Variants in RBFOX1 observed in about 807,000 individuals in gnomAD.
RBFOX1 encodes RNA binding protein fox-1 homolog 1.
RBFOX1 carries 8 observed loss-of-function variants against 57.7 expected under a neutral mutation model. That is an observed-to-expected ratio of 0.14 (90% CI 0.08 to 0.25). RBFOX1 has a LOEUF of 0.25. Among genes scored for constraint, RBFOX1 ranks in the 10% least tolerant of loss-of-function variants. The pLI, the probability that RBFOX1 is intolerant of heterozygous loss-of-function variation, is 1.00. For synonymous variants in RBFOX1, 326 were observed against 222.4 expected, an observed-to-expected ratio of 1.47 and a Z score of -4.15; for missense variants, 611 against 548.5, an observed-to-expected ratio of 1.11 and a Z score of -1.14.
chr16:6,405,304 A>C (rs1839356179), intron 2 of RBFOX1, among the ~76,000 whole-genome samples: 1 of 152,182 alleles, frequency 6.6e-6, no homozygotes, highest in African/African-American at 2.4e-5. Context: ...TCAATTAGTC[A>C]TGACAAGTTA....
Position 7,039,304 on chromosome 16 carries a change from C to A in RBFOX1, c.-15-12753C>A, listed in dbSNP as rs192756435. Reference sequence around the variant, plus strand: ...TTGACAAGCTCTTTCGTCCGTCTCCCTTGACCCTCCAAAGCTGGCATCCTT... The same window carrying A: ...TTGACAAGCTCTTTCGTCCGTCTCCATTGACCCTCCAAAGCTGGCATCCTT... On this transcript the variant is annotated intron_variant, in intron 3 of 15. Coordinates refer to ENST00000550418, the MANE Select transcript of RBFOX1 (RefSeq NM_018723.4). 5.7e-3 allele frequency among the ~76,000 whole-genome samples: 872 copies of A among 152,300 alleles called. 11 individuals carry two copies. Among genetic ancestry groups the A allele is most frequent in the Middle Eastern group, 0.01 (3 of 294 alleles).
chr16:7,478,800 A>G (rs1485455352), intron 4 of RBFOX1, among the ~76,000 whole-genome samples: 1 of 152,182 alleles, frequency 6.6e-6, no homozygotes, highest in Non-Finnish European at 1.5e-5. Context: ...AAATGGATCT[A>G]GTCTAGATGC....
At chr16:6,734,439 A>G (rs1365936676) in intron 3 of RBFOX1, among the ~76,000 whole-genome samples, 1 of 152,176 alleles carries the variant, frequency 6.6e-6, no homozygotes, top group Non-Finnish European at 1.5e-5. Context: ...GGATTATCTC[A>G]TTTAATCCTC....
chr16:6,675,490 G>A (rs547531961), intron 3 of RBFOX1, among the ~76,000 whole-genome samples: 1 of 152,256 alleles, frequency 6.6e-6, no homozygotes, highest in South Asian at 2.1e-4. Flanking sequence ...CCTGGGCTTG[G>A]TCAGGCTTGC....
chr16:7,180,743 T>C (rs2082539601), intron 4 of RBFOX1, among the ~76,000 whole-genome samples: 1 of 150,876 alleles, frequency 6.6e-6, no homozygotes, highest in Non-Finnish European at 1.5e-5. Flanking sequence ...GCCAGAACAT[T>C]GGCTTCAAGG....
At position 6,922,503 on chromosome 16, in the gene RBFOX1, G is replaced by A. The variant is rs190727682; in HGVS notation, c.-15-129554G>A. ...TCTTTTAGCTCATTTTCTTTGCTGTGTTTTTCCACATTTAAAATCTTTTAT... is the reference window on the plus strand; with the variant it reads ...TCTTTTAGCTCATTTTCTTTGCTGTATTTTTCCACATTTAAAATCTTTTAT... On this transcript the variant is annotated intron_variant, in intron 3 of 15. Transcript: ENST00000550418. Among the ~76,000 whole-genome samples, 389 of 152,036 alleles carry A rather than the reference G, an allele frequency of 2.6e-3. 1 individual carries two copies. The highest frequency in any genetic ancestry group is 9.0e-3 in the African/African-American group (372 of 41,402).
chr16:6,620,911 A>T (rs1271381726), intron 2 of RBFOX1, among the ~76,000 whole-genome samples: 1 of 152,228 alleles, frequency 6.6e-6, no homozygotes, highest in South Asian at 2.1e-4. Context: ...ATTACCACAA[A>T]CTGGTGGCTT....
At chr16:6,536,390 A>G (rs1344848952) in intron 2 of RBFOX1, among the ~76,000 whole-genome samples, 1 of 152,224 alleles carries the variant, frequency 6.6e-6, no homozygotes, top group Admixed American at 6.5e-5. Context: ...TGTTTTGCAC[A>G]TTCTAATTTC....
At chr16:5,716,924 C>T (rs1021434711) in intron 3 of RBFOX1, among the ~76,000 whole-genome samples, 2 of 152,140 alleles carry the variant, frequency 1.3e-5, no homozygotes, top group African/African-American at 2.4e-5. Flanking sequence ...AGCACCGGAG[C>T]CTGGATTTGC....
At chr16:5,341,098 T>A (rs964606560) in intron 1 of RBFOX1, among the ~76,000 whole-genome samples, 1 of 152,042 alleles carries the variant, frequency 6.6e-6, no homozygotes, top group African/African-American at 2.4e-5. Flanking sequence ...AGGAACAAGC[T>A]TGGTGAATTT....
chr16:5,248,979 C>G (rs1234810000), intron 1 of RBFOX1, among the ~76,000 whole-genome samples: 1 of 106,482 alleles, frequency 9.4e-6, no homozygotes, highest in African/African-American at 3.7e-5. Flanking sequence ...CAGAGCAAGA[C>G]TCCATCTCAA....
intron 3 of RBFOX1, among the ~76,000 whole-genome samples, chr16:5,679,889 G>A (rs2050278039): frequency 6.6e-6 from 1 of 152,142 alleles, no homozygotes. Context: ...TGAGCAAAAT[G>A]TTTAGTCTGG....
At chr16:5,809,237 C>A (rs2055336418) in intron 3 of RBFOX1, among the ~76,000 whole-genome samples, 2 of 152,178 alleles carry the variant, frequency 1.3e-5, no homozygotes, top group African/African-American at 4.8e-5. Flanking sequence ...AAAACCTAGG[C>A]ATTACCATTC....
intron 13 of RBFOX1, 94 bp from the exon 14 acceptor site, chr16:7,676,680 T>G (rs1024132638): frequency 6.6e-6 from 7 of 1,054,684 alleles, no homozygotes; most frequent in Admixed American, 1.7e-5. Flanking sequence ...CTCAGTAGAT[T>G]TGGGTAACAG....
chr16:5,615,983 G>A (rs34518960), intron 3 of RBFOX1: 12,916 of 152,340 alleles, frequency 0.085, 1,208 homozygotes, highest in East Asian at 0.44. Context: ...TCTCCAGGAA[G>A]CATGGTTTGA....
At chr16:7,517,056 C>T (rs912930622) in intron 4 of RBFOX1, among the ~76,000 whole-genome samples, 1 of 151,512 alleles carries the variant, frequency 6.6e-6, no homozygotes, top group African/African-American at 2.4e-5. Flanking sequence ...AAGTTTTTTT[C>T]CTCGCTCTGT....
intron 4 of RBFOX1, among the ~76,000 whole-genome samples, chr16:7,341,788 T>TTCCC (rs1568306894): frequency 1.4e-5 from 1 of 73,338 alleles, no homozygotes; most frequent in Non-Finnish European, 2.7e-5. Flanking sequence ...CCTTCCTTCC[T>TTCCC]TCCTTCCTTC....
intron 14 of RBFOX1, among the ~76,000 whole-genome samples, chr16:7,692,769 G>A (rs1004047672): frequency 6.6e-6 from 1 of 151,982 alleles, no homozygotes; most frequent in Admixed American, 6.6e-5. Flanking sequence ...AATAATTAGG[G>A]TTTATTTCAA....
At chr16:7,091,753 T>G (rs116492903) in intron 4 of RBFOX1, among the ~76,000 whole-genome samples, 2,038 of 152,266 alleles carry the variant, frequency 0.013, 45 homozygotes, top group African/African-American at 0.047. Flanking sequence ...GCATTTTCTT[T>G]CCTGAATGCT....
Sources: gnomAD v4.1 joint callset for allele counts (sites outside exome capture counted in the v4.1 genomes callset) on GRCh38, gnomAD v4.1.1 for gene constraint, MANE v1.5 for transcripts, NCBI Gene and HGNC (gene_info 2026-07-23, HGNC 2026-07-21) for gene names.